NALF1: variants seen among roughly 807,000 people sequenced by gnomAD.
The protein encoded by NALF1 is family with sequence similarity 155 member A.
Under a neutral mutation model 48.4 loss-of-function variants are expected in NALF1, and 3 were observed. The ratio of observed to expected loss-of-function variants is 0.06; its 90% CI spans 0.03 to 0.16. NALF1 has a LOEUF of 0.16. Ranked by LOEUF, NALF1 falls within the 10% of genes least tolerant of loss-of-function variation. NALF1 has a pLI of 1.00. For missense variants in NALF1, 526 were observed against 571.5 expected (o/e 0.92, Z 0.81); for synonymous variants, 262 against 245.7 (o/e 1.07, Z -0.62).
At chr13:107,690,187 A>G (rs1881535117) in intron 1 of NALF1, among the ~76,000 whole-genome samples, 1 of 152,212 alleles carries the variant, frequency 6.6e-6, no homozygotes, top group Non-Finnish European at 1.5e-5. Flanking sequence ...CTGCACTGAG[A>G]CTGTTATCCA....
At chr13:107,217,176 T>C (rs1251713784) in intron 1 of NALF1, among the ~76,000 whole-genome samples, 2 of 152,198 alleles carry the variant, frequency 1.3e-5, no homozygotes, top group Non-Finnish European at 2.9e-5. Flanking sequence ...TCCACTGAGA[T>C]TGTTCTTTCC....
At chr13:107,204,340 G>C (rs759479147) in intron 2 of NALF1, among the ~76,000 whole-genome samples, 1 of 152,222 alleles carries the variant, frequency 6.6e-6, no homozygotes, top group South Asian at 2.1e-4. Flanking sequence ...CATCTAGCTC[G>C]GGCCTCTGCT....
chr13:107,696,506 A>G (rs912916083), intron 1 of NALF1, among the ~76,000 whole-genome samples: 3 of 151,844 alleles, frequency 2.0e-5, no homozygotes, highest in Non-Finnish European at 4.4e-5. Context: ...TCTACTGCCT[A>G]CTAGTTAGGA....
chr13:107,193,331 A>T, intron 2 of NALF1, among the ~76,000 whole-genome samples: 1 of 152,306 alleles, frequency 6.6e-6, no homozygotes, highest in South Asian at 2.1e-4. Context: ...AATAGGCAGC[A>T]CATGAACAGT....
chr13:107,682,451 G>A (rs1039964277), intron 1 of NALF1, among the ~76,000 whole-genome samples: 1 of 152,068 alleles, frequency 6.6e-6, no homozygotes, highest in South Asian at 2.1e-4. Flanking sequence ...GGCTGTTCCT[G>A]CTGCCAGCAT....
At chr13:107,648,930 A>G (rs1483268047) in intron 1 of NALF1, among the ~76,000 whole-genome samples, 1 of 152,174 alleles carries the variant, frequency 6.6e-6, no homozygotes, top group East Asian at 1.9e-4. Flanking sequence ...TCCCTACAAC[A>G]TGCAATGTTG....
chr13:107,596,990 TG>T (rs1878773564), intron 1 of NALF1, among the ~76,000 whole-genome samples: 1 of 152,216 alleles, frequency 6.6e-6, no homozygotes, highest in South Asian at 2.1e-4. Context: ...CAATGATGAT[TG>T]GAACTTCTAG....
At chr13:107,445,230 C>A (rs189979544) in intron 1 of NALF1, among the ~76,000 whole-genome samples, 73 of 152,284 alleles carry the variant, frequency 4.8e-4, no homozygotes, top group Admixed American at 1.4e-3. Context: ...TAAAGTAGCT[C>A]TTTACAGCCA....
chr13:107,206,482 AT>A (rs1489331571), intron 2 of NALF1, among the ~76,000 whole-genome samples: 1 of 152,188 alleles, frequency 6.6e-6, no homozygotes, highest in Non-Finnish European at 1.5e-5. Context: ...AAACTTTCAA[AT>A]TTGGTACATG....
rs1878756817 is a variant in NALF1 at position 107,169,813 on chromosome 13, C to T, written c.*684G>A. On this transcript the variant is annotated 3_prime_UTR_variant, in exon 3 of 3. Coordinates refer to ENST00000375915, the MANE Select transcript of NALF1 (RefSeq NM_001080396.3). The stretch of plus-strand genomic sequence containing the variant: ...GGCTCAGAGGCCCACCAAGCGTGCA[C>T]ACCCATTCACTGTGGTTACACAGAC... The T allele has an allele frequency of 6.6e-6, 1 of 152,670 alleles. No homozygotes were observed. Among genetic ancestry groups the T allele is most frequent in the Non-Finnish European group, 1.5e-5 (1 of 68,108 alleles). 9.5% of individuals were successfully genotyped at this position (152,670 alleles called of 1,614,324 possible).
intron 1 of NALF1, among the ~76,000 whole-genome samples, chr13:107,374,738 TTAA>T (rs1883306938): frequency 6.6e-6 from 1 of 152,064 alleles, no homozygotes; most frequent in African/African-American, 2.4e-5. Context: ...CATGAATGGA[TTAA>T]TGTCATTATC....
At chr13:107,358,877 C>T (rs532611807) in intron 1 of NALF1, among the ~76,000 whole-genome samples, 1 of 152,282 alleles carries the variant, frequency 6.6e-6, no homozygotes, top group South Asian at 2.1e-4. Context: ...TTCCTATTGG[C>T]AGCTACTCTT....
Position 107,167,244 on chromosome 13 carries a change from A to C in NALF1, c.*3253T>G, listed in dbSNP as rs1373959342. On this transcript the variant is annotated 3_prime_UTR_variant, in exon 3 of 3. Transcript: ENST00000375915. The stretch of plus-strand genomic sequence containing the variant: ...TGTAGTTCATTAGCCAGTATACGGT[A>C]GACATCCTCTACAGGAAAAACTAAA... 7 of 152,246 alleles carry C rather than the reference A, an allele frequency of 4.6e-5. No homozygotes were observed. Among genetic ancestry groups the C allele is most frequent in the Admixed American group, 4.6e-4 (7 of 15,286 alleles). 9.4% of individuals were successfully genotyped at this position (152,246 alleles called of 1,614,324 possible).
chr13:107,257,603 G>A (rs762683156), intron 1 of NALF1, among the ~76,000 whole-genome samples: 5 of 151,732 alleles, frequency 3.3e-5, no homozygotes, highest in Non-Finnish European at 7.4e-5. Context: ...CCTTGATCTT[G>A]AGAAACTGTG....
At chr13:107,847,904 T>C (rs1369313875) in intron 1 of NALF1, among the ~76,000 whole-genome samples, 2 of 151,936 alleles carry the variant, frequency 1.3e-5, no homozygotes, top group African/African-American at 4.8e-5. Flanking sequence ...CTAATGAAAT[T>C]CTCTACTTTT....
At chr13:107,555,539 C>T (rs997925267) in intron 1 of NALF1, among the ~76,000 whole-genome samples, 2 of 145,772 alleles carry the variant, frequency 1.4e-5, no homozygotes, top group Admixed American at 1.4e-4. Context: ...AGGTGATCTG[C>T]CTGCCTCGGC....
At chr13:107,258,672 T>C (rs1880869157) in intron 1 of NALF1, among the ~76,000 whole-genome samples, 1 of 152,152 alleles carries the variant, frequency 6.6e-6, no homozygotes, top group Admixed American at 6.5e-5. Flanking sequence ...ACTAACGACA[T>C]TGCACGAAGA....
chr13:107,214,159 G>C (rs1879824905), intron 1 of NALF1, among the ~76,000 whole-genome samples: 1 of 152,202 alleles, frequency 6.6e-6, no homozygotes, highest in Admixed American at 6.5e-5. Context: ...GAAGGTGAGA[G>C]AAGGCCATGG....
At position 107,702,624 on chromosome 13, in the gene NALF1, G is replaced by A. The variant is rs142383003; in HGVS notation, c.915+163058C>T. Among the ~76,000 whole-genome samples, 749 of 152,036 alleles carry A rather than the reference G, an allele frequency of 4.9e-3. 4 individuals are homozygous for A. The highest frequency in any genetic ancestry group is 0.017 in the African/African-American group (700 of 41,444). ...GTAAACTTGTGCCATGGTGTTTGCC[G>A]CACAGACCATCCCATCACCTAGGTA... On this transcript the variant is annotated intron_variant, in intron 1 of 2. Transcript: ENST00000375915.
Sources: allele counts gnomAD v4.1 joint callset (sites outside exome capture counted in the v4.1 genomes callset), GRCh38; gene constraint gnomAD v4.1.1; transcripts MANE v1.5; gene names NCBI Gene and HGNC (gene_info 2026-07-23, HGNC 2026-07-21).